Variants in SGCZ observed in about 807,000 individuals in gnomAD.
SGCZ encodes the protein sarcoglycan zeta, also known as zeta-sarcoglycan.
SGCZ carries 40 observed loss-of-function variants against 41.3 expected under a neutral mutation model. That is an observed-to-expected ratio of 0.97 (90% CI 0.75 to 1.26). The LOEUF (loss-of-function observed/expected upper bound fraction) is 1.26, where lower values mean the gene tolerates loss of function less well. SGCZ is among the 50% of genes most tolerant of loss of function. The pLI is 0.00. For missense variants in SGCZ, 552 were observed against 369.8 expected (o/e 1.49, Z -4.04); for synonymous variants, 206 against 137.5 (o/e 1.50, Z -3.49).
chr8:14,926,901 A>G (rs1799772504), intron 1 of SGCZ, among the ~76,000 whole-genome samples: 2 of 151,956 alleles, frequency 1.3e-5, no homozygotes, highest in African/African-American at 4.8e-5. Flanking sequence ...AGCCTCCCAA[A>G]GTGTTGGGAT....
At chr8:14,170,765 T>G (rs12679640) in intron 4 of SGCZ, among the ~76,000 whole-genome samples, 1 of 152,020 alleles carries the variant, frequency 6.6e-6, no homozygotes, top group Non-Finnish European at 1.5e-5. Context: ...CTCATAGTCA[T>G]TCAAATAGGT....
chr8:14,233,165 C>G (rs1488757600), intron 4 of SGCZ, among the ~76,000 whole-genome samples: 2 of 151,928 alleles, frequency 1.3e-5, no homozygotes, highest in East Asian at 3.9e-4. Context: ...ATTTATCCTC[C>G]TTTCATTTTT....
intron 2 of SGCZ, among the ~76,000 whole-genome samples, chr8:14,442,895 G>T (rs1033358974): frequency 1.3e-5 from 2 of 152,114 alleles, no homozygotes; most frequent in African/African-American, 4.8e-5. Flanking sequence ...TGACATGATT[G>T]TATATCTAGA....
chr8:14,572,989 G>A (rs754276340), intron 1 of SGCZ, among the ~76,000 whole-genome samples: 4 of 152,024 alleles, frequency 2.6e-5, no homozygotes, highest in Non-Finnish European at 4.4e-5. Context: ...TGTCTCTAAT[G>A]TTCATTTGTT....
At position 14,189,477 on chromosome 8, in the gene SGCZ, T is replaced by C. The variant is rs549821986; in HGVS notation, c.425-24775A>G. On this transcript the variant is annotated intron_variant, in intron 4 of 7. Coordinates refer to ENST00000382080, the MANE Select transcript of SGCZ (RefSeq NM_139167.4). ...TATTCCCAATAATCCTTTTGCCATT[T>C]CTTAAACACAATGACTTTGCTACAC... 2.0e-5 allele frequency among the ~76,000 whole-genome samples: 3 copies of C among 152,322 alleles called. No individual in the cohort carries two copies. The East Asian group carries it at 5.8e-4, about 29-fold the overall frequency.
intron 1 of SGCZ, among the ~76,000 whole-genome samples, chr8:15,118,578 A>C (rs920888279): frequency 4.6e-5 from 7 of 152,174 alleles, no homozygotes; most frequent in Non-Finnish European, 1.0e-4. Context: ...AAAACGTCAA[A>C]TATAAGCCAT....
chr8:14,332,121 T>A (rs958595037), intron 2 of SGCZ, among the ~76,000 whole-genome samples: 3 of 151,960 alleles, frequency 2.0e-5, no homozygotes, highest in Non-Finnish European at 4.4e-5. Flanking sequence ...CACAAAAAAA[T>A]GCAGGATGAA....
At chr8:14,335,345 G>T (rs1444905877) in intron 2 of SGCZ, among the ~76,000 whole-genome samples, 2 of 151,988 alleles carry the variant, frequency 1.3e-5, no homozygotes. Context: ...TCTTTGAAGG[G>T]TGCTGTAGAT....
At chr8:14,921,611 C>T (rs191959030) in intron 1 of SGCZ, among the ~76,000 whole-genome samples, 4 of 151,722 alleles carry the variant, frequency 2.6e-5, no homozygotes, top group Non-Finnish European at 4.4e-5. Flanking sequence ...AATCAGCCAT[C>T]GGAATGCTCA....
chr8:14,912,720 T>C (rs1585372768), intron 1 of SGCZ, among the ~76,000 whole-genome samples: 1 of 152,188 alleles, frequency 6.6e-6, no homozygotes, highest in East Asian at 1.9e-4. Flanking sequence ...TCTACAGAGT[T>C]TGGCGGAAAT....
At chr8:14,478,388 A>G (rs1801423873) in intron 2 of SGCZ, among the ~76,000 whole-genome samples, 1 of 152,234 alleles carries the variant, frequency 6.6e-6, no homozygotes, top group African/African-American at 2.4e-5. Context: ...AAATACATGA[A>G]GGAATCTCAT....
At position 14,715,372 on chromosome 8, in the gene SGCZ, T is replaced by C. The variant is rs550183324; in HGVS notation, c.40-160446A>G. ...ATGAAAGGGTAAAACCTACAGGCCA[T>C]AAAGAACAAAAAAGAGCTGGCCTAA... On this transcript the variant is annotated intron_variant, in intron 1 of 7. Transcript: ENST00000382080. Among the ~76,000 whole-genome samples, 5 of 152,158 alleles carry C rather than the reference T, an allele frequency of 3.3e-5. 1 individual carries two copies. The South Asian group carries it at 1.0e-3, about 32-fold the overall frequency.
At chr8:14,786,988 G>T (rs1800788529) in intron 1 of SGCZ, among the ~76,000 whole-genome samples, 1 of 152,092 alleles carries the variant, frequency 6.6e-6, no homozygotes, top group Admixed American at 6.6e-5. Flanking sequence ...TAGAGCACCA[G>T]GGACTCTTCC....
intron 3 of SGCZ, among the ~76,000 whole-genome samples, chr8:14,320,834 C>T (rs979201592): frequency 6.6e-6 from 1 of 152,036 alleles, no homozygotes; most frequent in East Asian, 1.9e-4. Flanking sequence ...GAACAGGAAA[C>T]AAACAAACCA....
At chr8:14,365,112 G>T (rs889027716) in intron 2 of SGCZ, among the ~76,000 whole-genome samples, 5 of 151,768 alleles carry the variant, frequency 3.3e-5, no homozygotes, top group Admixed American at 1.3e-4. Flanking sequence ...TTTCACTTTT[G>T]TCATATATGT....
chr8:14,517,167 T>A (rs764772030), intron 2 of SGCZ, among the ~76,000 whole-genome samples: 5 of 151,918 alleles, frequency 3.3e-5, no homozygotes, highest in Non-Finnish European at 4.4e-5. Context: ...CAGAAATAAA[T>A]GTGACATGAG....
At chr8:14,209,391 G>A (rs889754291) in intron 4 of SGCZ, among the ~76,000 whole-genome samples, 3 of 151,696 alleles carry the variant, frequency 2.0e-5, no homozygotes, top group Non-Finnish European at 4.4e-5. Flanking sequence ...CCTTGTGTGT[G>A]TTTTCCTGAC....
chr8:14,215,868 G>A (rs537447149), intron 4 of SGCZ, among the ~76,000 whole-genome samples: 56 of 152,332 alleles, frequency 3.7e-4, no homozygotes, highest in African/African-American at 1.3e-3. Flanking sequence ...GGCCCAGATG[G>A]TGCCGGGTGC....
intron 1 of SGCZ, among the ~76,000 whole-genome samples, chr8:15,012,774 T>C (rs1465566781): frequency 6.7e-6 from 1 of 148,634 alleles, no homozygotes; most frequent in Admixed American, 6.8e-5. Flanking sequence ...TAAATGTAGG[T>C]ATATATTTAT....
Sources: allele counts gnomAD v4.1 joint callset (sites outside exome capture counted in the v4.1 genomes callset), GRCh38; gene constraint gnomAD v4.1.1; transcripts MANE v1.5; gene names NCBI Gene and HGNC (gene_info 2026-07-23, HGNC 2026-07-21).